The following HSD17B12 variants were observed in gnomAD, a reference collection of about 807,000 sequenced individuals.
The protein encoded by HSD17B12 is very-long-chain 3-oxoacyl-CoA reductase.
In HSD17B12, 32 loss-of-function variants were observed where a neutral mutation model predicts 39.3. The observed-to-expected ratio is 0.81, with a 90% CI of 0.61 to 1.09. The LOEUF (loss-of-function observed/expected upper bound fraction) is 1.09. Among genes scored for constraint, HSD17B12 ranks in the 50% least tolerant of loss-of-function variants. HSD17B12 has a pLI of 0.00. For missense variants in HSD17B12, 342 were observed against 382.9 expected, an observed-to-expected ratio of 0.89 and a Z score of 0.89; for synonymous variants, 150 against 146.7, an observed-to-expected ratio of 1.02 and a Z score of -0.16.
the HSD17B12 span, among the ~76,000 whole-genome samples, chr11:43,647,372 C>T: frequency 3.9e-5 from 6 of 151,990 alleles, no homozygotes; most frequent in Admixed American, 6.5e-5. Flanking sequence ...AACTCCCAGG[C>T]TCAAGCTATC....
In HSD17B12 at chr11:43,690,388, A is replaced by ATTTTTT. The variant is rs1232125962; in HGVS notation, c.160+9402_160+9403insTTTTTT. On this transcript the variant is annotated intron_variant, in intron 1 of 10. Coordinates refer to ENST00000278353, the MANE Select transcript of HSD17B12 (RefSeq NM_016142.3). ...TATATATATATATATATATATATAT[A>ATTTTTT]TATATATATATATATATTTTTTTTT... is the stretch of plus-strand genomic sequence containing the variant. Among the ~76,000 whole-genome samples, 31 of 11,794 alleles carry ATTTTTT rather than the reference A, an allele frequency of 2.6e-3. 11 individuals are homozygous for ATTTTTT. The highest frequency in any genetic ancestry group is 2.6e-3 in the Non-Finnish European group (18 of 7,022). 7.7% of individuals were successfully genotyped at this position (11,794 alleles called of 152,430 possible).
At chr11:43,704,758 A>C (rs2134818989) in intron 1 of HSD17B12, among the ~76,000 whole-genome samples, 1 of 152,300 alleles carries the variant, frequency 6.6e-6, no homozygotes, top group East Asian at 1.9e-4. Context: ...GAAGAGGTAG[A>C]AGAAAGGGTG....
chr11:43,696,526 G>T (rs1345468253), intron 1 of HSD17B12, among the ~76,000 whole-genome samples: 1 of 152,330 alleles, frequency 6.6e-6, no homozygotes, highest in East Asian at 1.9e-4. Flanking sequence ...ATAGATGCTG[G>T]TGAGGCTGTG....
the HSD17B12 span, among the ~76,000 whole-genome samples, chr11:43,565,702 A>T: frequency 0.015 from 2,270 of 152,340 alleles, 38 homozygotes; most frequent in South Asian, 0.086. Context: ...ATGAGGTCCA[A>T]TGCATTTTCC....
chr11:43,605,905 T>C, the HSD17B12 span, among the ~76,000 whole-genome samples: 6 of 152,146 alleles, frequency 3.9e-5, no homozygotes. Flanking sequence ...GCAAAGAAAT[T>C]AGACAATCTT....
intron 1 of HSD17B12, among the ~76,000 whole-genome samples, chr11:43,685,900 A>AT (rs1949793717): frequency 6.6e-6 from 1 of 152,210 alleles, no homozygotes; most frequent in African/African-American, 2.4e-5. Flanking sequence ...CACATTCATG[A>AT]TTTTTCTGGA....
chr11:43,721,526 G>A (rs1565063423), intron 1 of HSD17B12, among the ~76,000 whole-genome samples: 1 of 152,140 alleles, frequency 6.6e-6, no homozygotes, highest in Non-Finnish European at 1.5e-5. Flanking sequence ...GGCTAAGCCA[G>A]GAGAATCGCT....
the HSD17B12 span, among the ~76,000 whole-genome samples, chr11:43,626,546 A>AT: frequency 5.9e-5 from 9 of 151,708 alleles, no homozygotes; most frequent in East Asian, 1.9e-4. Context: ...TGGCACATTA[A>AT]TTTTTTTTGC....
At chr11:43,612,845 A>C in the HSD17B12 span, among the ~76,000 whole-genome samples, 1 of 152,322 alleles carries the variant, frequency 6.6e-6, no homozygotes, top group Admixed American at 6.5e-5. Flanking sequence ...GGCCTCTTAG[A>C]AGGGGTGGCA....
chr11:43,699,216 A>T lies in HSD17B12; in HGVS notation c.160+18229A>T, dbSNP rs1949940091. Among the ~76,000 whole-genome samples the T allele has an allele frequency of 4.6e-5, 7 of 152,316 alleles. 1 individual carries two copies. Among genetic ancestry groups the T allele is most frequent in the Admixed American group, 4.6e-4 (7 of 15,296 alleles). The stretch of plus-strand genomic sequence containing the variant: ...ATTTTATTATAAGCATTATTATAAG[A>T]GATTATTATAAGTTCCTGTCATTTC... On this transcript the variant is annotated intron_variant, in intron 1 of 10. Transcript: ENST00000278353.
At chr11:43,775,771 A>T (rs1379740224) in intron 3 of HSD17B12, among the ~76,000 whole-genome samples, 1 of 69,424 alleles carries the variant, frequency 1.4e-5, no homozygotes, top group Admixed American at 1.9e-4. Flanking sequence ...CCCCGATCCC[A>T]CAACAGTCCC....
the HSD17B12 span, among the ~76,000 whole-genome samples, chr11:43,559,090 C>A: frequency 8.6e-3 from 1,305 of 152,250 alleles, 21 homozygotes; most frequent in African/African-American, 0.031. Context: ...CACTGAAGGT[C>A]CTGCTCCAAG....
At chr11:43,778,857 C>A (rs1190553726) in intron 3 of HSD17B12, among the ~76,000 whole-genome samples, 1 of 152,048 alleles carries the variant, frequency 6.6e-6, no homozygotes, top group Non-Finnish European at 1.5e-5. Flanking sequence ...AGTATACATA[C>A]CATGAAAAAT....
At chr11:43,617,012 G>A in the HSD17B12 span, among the ~76,000 whole-genome samples, 4 of 151,104 alleles carry the variant, frequency 2.6e-5, no homozygotes, top group Non-Finnish European at 4.4e-5. Context: ...AAAAAAATCC[G>A]GGGTAAGTTC....
chr11:43,578,023 AG>A, the HSD17B12 span, among the ~76,000 whole-genome samples: 1 of 152,150 alleles, frequency 6.6e-6, no homozygotes, highest in African/African-American at 2.4e-5. Flanking sequence ...TCAGAGGCAG[AG>A]GGGGAATGAG....
At chr11:43,710,411 C>T (rs1205989973) in intron 1 of HSD17B12, among the ~76,000 whole-genome samples, 1 of 152,070 alleles carries the variant, frequency 6.6e-6, no homozygotes, top group African/African-American at 2.4e-5. Flanking sequence ...TTTACTTGAA[C>T]CATCTTTTGC....
chr11:43,760,706 A>G (rs193034708), intron 3 of HSD17B12, among the ~76,000 whole-genome samples: 107 of 152,338 alleles, frequency 7.0e-4, no homozygotes, highest in African/African-American at 2.5e-3. Context: ...TACCATTAAT[A>G]CGATGCCTTG....
chr11:43,657,949 C>T, the HSD17B12 span, among the ~76,000 whole-genome samples: 12 of 152,196 alleles, frequency 7.9e-5, no homozygotes, highest in Non-Finnish European at 1.8e-4. Flanking sequence ...GCCTGCCTTG[C>T]CAGATTGGGG....
At chr11:43,638,535 A>T in the HSD17B12 span, among the ~76,000 whole-genome samples, 1 of 152,032 alleles carries the variant, frequency 6.6e-6, no homozygotes, top group South Asian at 2.1e-4. Flanking sequence ...GAAAAAGAAA[A>T]CTCTTATTTT....
Sources: gnomAD v4.1 joint callset for allele counts (sites outside exome capture counted in the v4.1 genomes callset) on GRCh38, gnomAD v4.1.1 for gene constraint, MANE v1.5 for transcripts, NCBI Gene and HGNC (gene_info 2026-07-23, HGNC 2026-07-21) for gene names.